USP15: variants seen among roughly 807,000 people sequenced by gnomAD.
USP15 encodes the protein ubiquitin specific peptidase 15, also known as ubiquitin carboxyl-terminal hydrolase 15.
A neutral mutation model predicts 127.1 loss-of-function variants in USP15; 18 were observed. That is an observed-to-expected ratio of 0.14 (90% CI 0.10 to 0.21). The LOEUF is 0.21. Ranked by LOEUF, USP15 falls within the 10% of genes least tolerant of loss-of-function variation. The pLI, the probability that USP15 is intolerant of heterozygous loss-of-function variation, is 1.00. For missense variants in USP15, 805 were observed against 1,159.9 expected, an observed-to-expected ratio of 0.69 and a Z score of 4.44; for synonymous variants, 364 against 393.7, an observed-to-expected ratio of 0.92 and a Z score of 0.89.
At chr12:62,298,018 C>G (rs1565829848) in intron 2 of USP15, among the ~76,000 whole-genome samples, 1 of 152,150 alleles carries the variant, frequency 6.6e-6, no homozygotes, top group Non-Finnish European at 1.5e-5. Flanking sequence ...CTGAAAAATT[C>G]ACTAGAGGTC....
chr12:62,309,473 A>G (rs1446935925), intron 3 of USP15, among the ~76,000 whole-genome samples: 1 of 152,102 alleles, frequency 6.6e-6, no homozygotes, highest in African/African-American at 2.4e-5. Flanking sequence ...TTACCAGTGT[A>G]TTCTACCAAA....
intron 16 of USP15, 39 bp downstream of exon 16, chr12:62,391,468 C>G: frequency 6.4e-7 from 1 of 1,569,610 alleles, no homozygotes; most frequent in Non-Finnish European, 8.6e-7. Context: ...ATTAAACAAG[C>G]CGAGCATGTT....
At chr12:62,358,952 T>A (rs1167960253) in intron 8 of USP15, among the ~76,000 whole-genome samples, 1 of 152,066 alleles carries the variant, frequency 6.6e-6, no homozygotes, top group Non-Finnish European at 1.5e-5. Flanking sequence ...CTGTGACCAA[T>A]CCCCTGTGGA....
intron 1 of USP15, among the ~76,000 whole-genome samples, chr12:62,261,998 G>C (rs552884123): frequency 6.6e-6 from 1 of 152,232 alleles, no homozygotes; most frequent in Admixed American, 6.5e-5. Flanking sequence ...CAGCACTTTG[G>C]GAGGCCGAGG....
chr12:62,349,350 C>T (rs1181813331), intron 7 of USP15, 43 bp downstream of exon 7: 3 of 1,287,986 alleles, frequency 2.3e-6, no homozygotes, highest in Non-Finnish European at 3.1e-6. Flanking sequence ...ATTGATCACC[C>T]TATTATGGTT....
intron 11 of USP15, among the ~76,000 whole-genome samples, chr12:62,385,852 A>T (rs145472766): frequency 8.5e-5 from 13 of 152,226 alleles, no homozygotes; most frequent in African/African-American, 2.6e-4. Flanking sequence ...AGCGTAGAAT[A>T]ATAAGTATAA....
At chr12:62,386,629 C>G (rs2067156877) in intron 11 of USP15, among the ~76,000 whole-genome samples, 1 of 152,012 alleles carries the variant, frequency 6.6e-6, no homozygotes, top group Non-Finnish European at 1.5e-5. Context: ...GAGAAGAGGA[C>G]ATGGCCCACT....
chr12:62,297,873 G>T (rs1210687228), intron 2 of USP15, among the ~76,000 whole-genome samples: 1 of 152,132 alleles, frequency 6.6e-6, no homozygotes, highest in Non-Finnish European at 1.5e-5. Flanking sequence ...CAAAATAATT[G>T]TCTTATAAAG....
chr12:62,308,950 T>C (rs956233358), intron 3 of USP15, among the ~76,000 whole-genome samples: 1 of 152,102 alleles, frequency 6.6e-6, no homozygotes, highest in Non-Finnish European at 1.5e-5. Flanking sequence ...ATAATTAAAA[T>C]ACAACTTAAA....
intron 5 of USP15, among the ~76,000 whole-genome samples, chr12:62,323,013 A>G (rs1565853672): frequency 6.6e-6 from 1 of 152,144 alleles, no homozygotes; most frequent in Non-Finnish European, 1.5e-5. Flanking sequence ...TAACCATCCC[A>G]TACCATCATG....
chr12:62,276,207 T>G (rs1011085748), intron 1 of USP15, among the ~76,000 whole-genome samples: 1 of 152,160 alleles, frequency 6.6e-6, no homozygotes, highest in South Asian at 2.1e-4. Context: ...GTACATTTAC[T>G]TCATAACTTC....
At chr12:62,295,203 C>A (rs2064093855) in intron 2 of USP15, among the ~76,000 whole-genome samples, 1 of 152,022 alleles carries the variant, frequency 6.6e-6, no homozygotes, top group Admixed American at 6.6e-5. Context: ...AGAAAACTGC[C>A]CAAGGTCAGA....
intron 1 of USP15, among the ~76,000 whole-genome samples, chr12:62,263,594 C>T (rs1003387037): frequency 6.6e-6 from 1 of 152,168 alleles, no homozygotes; most frequent in Non-Finnish European, 1.5e-5. Flanking sequence ...GAGAAACATA[C>T]TTTATGATGT....
At chr12:62,385,069 CT>C (rs1284264734) in intron 11 of USP15, among the ~76,000 whole-genome samples, 1 of 151,846 alleles carries the variant, frequency 6.6e-6, no homozygotes, top group African/African-American at 2.4e-5. Context: ...TTTGTTATAA[CT>C]TTTGGCTTAC....
intron 2 of USP15, 42 bp downstream of exon 2, chr12:62,294,348 A>G (rs778218468): frequency 6.6e-5 from 105 of 1,583,604 alleles, no homozygotes; most frequent in Non-Finnish European, 9.0e-5. Context: ...AATGTGTTAA[A>G]TTTCATTATA....
At chr12:62,298,270 AT>A (rs779952811) in intron 2 of USP15, among the ~76,000 whole-genome samples, 12 of 152,176 alleles carry the variant, frequency 7.9e-5, no homozygotes, top group Non-Finnish European at 1.6e-4. Flanking sequence ...CACACCTGTA[AT>A]CCCAGCACTG....
chr12:62,272,052 T>TA (rs1293152214), intron 1 of USP15, among the ~76,000 whole-genome samples: 2 of 150,706 alleles, frequency 1.3e-5, no homozygotes, highest in African/African-American at 2.4e-5. Flanking sequence ...TTGTGGTACT[T>TA]AAAAAAAAAG....
Position 62,383,957 on chromosome 12 carries a change from C to A in USP15, c.1207C>A (p.Pro403Thr). ...HEDLNRIRKK[P>T]YIQLKDADGR... ...GGATTTGAATAGAATTAGGAAAAAACCATATATACAATTAAAAGATGCAGA... is the reference window on the plus strand; with the variant it reads ...GGATTTGAATAGAATTAGGAAAAAAACATATATACAATTAAAAGATGCAGA... The change falls in exon 10 of 22, where the codon CCA becomes ACA. Residue 403 changes from proline to threonine, a missense_variant. By Grantham distance (38) the Pro-to-Thr change is conservative. Transcript: ENST00000280377. The A allele has an allele frequency of 6.2e-7, 1 of 1,612,626 alleles. No homozygotes were observed. Among genetic ancestry groups the A allele is most frequent in the Non-Finnish European group, 8.5e-7 (1 of 1,179,086 alleles).
At position 62,406,436 on chromosome 12, in the gene USP15, C is replaced by A. The variant is rs1389544056; in HGVS notation, c.*2061C>A. ...ACTAATGAACTATATTTCCATTTTT[C>A]TGAAGATTTAAAGAAAAGTCAAAGC... On this transcript the variant is annotated 3_prime_UTR_variant, in exon 22 of 22. Coordinates refer to ENST00000280377, the MANE Select transcript of USP15 (RefSeq NM_001252078.2). 6.6e-6 allele frequency: 1 copy of A among 152,100 alleles called. No homozygotes were observed. The highest frequency in any genetic ancestry group is 1.9e-4 in the East Asian group (1 of 5,192). 9.4% of individuals were successfully genotyped at this position (152,100 alleles called of 1,614,324 possible). A position where few individuals can be genotyped will look rare whatever the true frequency, so the allele number is the denominator to read the frequency against.
Sources: allele counts gnomAD v4.1 joint callset (sites outside exome capture counted in the v4.1 genomes callset), GRCh38; gene constraint gnomAD v4.1.1; transcripts MANE v1.5; gene names NCBI Gene and HGNC (gene_info 2026-07-23, HGNC 2026-07-21).